Variants in AADAC observed in about 807,000 individuals in gnomAD.
AADAC encodes the protein arylacetamide deacetylase.
Under a neutral mutation model 22.7 loss-of-function variants are expected in AADAC, and 17 were observed. That is an observed-to-expected ratio of 0.75 (90% CI 0.51 to 1.12). The LOEUF (loss-of-function observed/expected upper bound fraction) is 1.12, where lower values mean the gene tolerates loss of function less well. Among genes scored for constraint, AADAC ranks in the 50% most tolerant of loss-of-function variants. The pLI is 0.00. For missense variants in AADAC, 465 were observed against 473.9 expected, an observed-to-expected ratio of 0.98 and a Z score of 0.17; for synonymous variants, 167 against 176.3, an observed-to-expected ratio of 0.95 and a Z score of 0.42.
intron 4 of AADAC, among the ~76,000 whole-genome samples, chr3:151,826,283 TC>T (rs1716489109): frequency 6.6e-6 from 1 of 151,958 alleles, no homozygotes; most frequent in Non-Finnish European, 1.5e-5. Context: ...AGACTGGACA[TC>T]AGGAAACTTG....
At chr3:151,820,663 A>T in intron 3 of AADAC, among the ~76,000 whole-genome samples, 1 of 135,730 alleles carries the variant, frequency 7.4e-6, no homozygotes, top group Non-Finnish European at 1.6e-5. Context: ...GATTACAGGC[A>T]CGAGTCACCA....
chr3:151,824,619 C>T, intron 3 of AADAC, 44 bp from the exon 4 acceptor site: 7 of 1,055,904 alleles, frequency 6.6e-6, no homozygotes, highest in Non-Finnish European at 8.8e-6. Flanking sequence ...ACAGTCTAAT[C>T]AAAACAAACA....
rs756474914 is a variant in AADAC at position 151,820,462 on chromosome 3, G to A, written c.431+10G>A. On this transcript the variant is annotated intron_variant, in intron 3 of 4. Coordinates refer to ENST00000232892, the MANE Select transcript of AADAC (RefSeq NM_001086.3). ...TCGTCGTATCAACCAAGTAAGAGCT[G>A]TGCTGTTTGGTTTCCTGGCCAGATG... is the stretch of plus-strand genomic sequence containing the variant. 6 of 1,530,372 alleles carry A rather than the reference G, an allele frequency of 3.9e-6. 1 individual carries two copies. Among genetic ancestry groups the A allele is most frequent in the Admixed American group, 1.9e-5 (1 of 52,232 alleles). 94.8% of individuals were successfully genotyped at this position (1,530,372 alleles called of 1,614,324 possible).
At chr3:151,824,882 T>C in intron 4 of AADAC, 48 bp downstream of exon 4, 1 of 1,378,718 alleles carries the variant, frequency 7.3e-7, no homozygotes, top group Middle Eastern at 1.9e-4. Context: ...TTCTACGCTG[T>C]TTTAAAAACA....
chr3:151,817,779 C>T (rs537013657), intron 2 of AADAC, among the ~76,000 whole-genome samples, 191 bp downstream of exon 2: 1 of 152,174 alleles, frequency 6.6e-6, no homozygotes, highest in Admixed American at 6.5e-5. Context: ...ATTTCCTCAT[C>T]AACCCAGGTA....
At chr3:151,824,248 A>T (rs116035163) in intron 3 of AADAC, among the ~76,000 whole-genome samples, 2 of 152,164 alleles carry the variant, frequency 1.3e-5, no homozygotes, top group African/African-American at 2.4e-5. Flanking sequence ...TTCAAACAAT[A>T]GAGTACTATA....
At position 151,820,357 on chromosome 3, in the gene AADAC, A is replaced by G; in HGVS notation, c.362-26A>G. 7 of 1,523,340 alleles carry G rather than the reference A, an allele frequency of 4.6e-6. No homozygotes were observed. In the South Asian group the frequency reaches 8.7e-5, roughly 19 times the overall value. 94.4% of individuals were successfully genotyped at this position (1,523,340 alleles called of 1,614,324 possible). A position where few individuals can be genotyped will look rare whatever the true frequency, so the allele number is the denominator to read the frequency against. On this transcript the variant is annotated intron_variant, in intron 2 of 4. Transcript: ENST00000232892. The stretch of plus-strand genomic sequence containing the variant: ...GTCTTCATTTGTCTGTTTTACTAAT[A>G]TGTTGCTTTTATCCTTTTATTTCAG...
intron 2 of AADAC, among the ~76,000 whole-genome samples, chr3:151,818,255 A>G (rs1716082660): frequency 2.7e-5 from 4 of 150,446 alleles, no homozygotes; most frequent in African/African-American, 9.8e-5. Context: ...AAAAAAAAAA[A>G]GAAAAAAATC....
chr3:151,820,971 G>A (rs1716230344), intron 3 of AADAC, among the ~76,000 whole-genome samples: 1 of 151,170 alleles, frequency 6.6e-6, no homozygotes, highest in Admixed American at 6.6e-5. Flanking sequence ...TGTTATTTTG[G>A]CAAAAAGAAA....
chr3:151,827,588 C>A lies in AADAC; in HGVS notation c.616C>A (p.Pro206Thr), dbSNP rs781080711. ...AAVTQQLLDD[P>T]DVKIKLKIQS... ...TCTTGCTTCTCAGCTCCTTGATGAC[C>A]CAGATGTCAAGATCAAACTCAAGAT... Residue 206 changes from proline to threonine, a missense_variant, in exon 5 of 5, where the codon CCA becomes ACA. Pro to Thr is a conservative substitution (Grantham distance 38, BLOSUM62 -1). Coordinates refer to ENST00000232892, the MANE Select transcript of AADAC (RefSeq NM_001086.3). 1.3e-6 allele frequency: 2 copies of A among 1,560,848 alleles called. No individual in the cohort carries two copies. The highest frequency in any genetic ancestry group is 1.9e-5 in the Admixed American group (1 of 52,452).
intron 2 of AADAC, among the ~76,000 whole-genome samples, chr3:151,818,733 G>A (rs565413495): frequency 6.6e-5 from 10 of 152,242 alleles, no homozygotes; most frequent in African/African-American, 2.4e-4. Context: ...CAAAGAGGCA[G>A]CTTTAGGCTA....
chr3:151,815,098 A>G (rs1282378811), intron 1 of AADAC, among the ~76,000 whole-genome samples: 1 of 152,010 alleles, frequency 6.6e-6, no homozygotes, highest in East Asian at 1.9e-4. Flanking sequence ...AGTGGTGGAG[A>G]AAAAAATAAA....
At chr3:151,815,377 C>T (rs2108024687) in intron 1 of AADAC, among the ~76,000 whole-genome samples, 1 of 152,118 alleles carries the variant, frequency 6.6e-6, no homozygotes, top group South Asian at 2.1e-4. Flanking sequence ...TCCAAGAAAT[C>T]ATATGAAACA....
Position 151,814,221 on chromosome 3 carries a change from A to C in AADAC, c.59A>C (p.Tyr20Ser). 1 of 1,613,202 alleles carries C rather than the reference A, an allele frequency of 6.2e-7. No homozygotes were observed. Among genetic ancestry groups the C allele is most frequent in the Non-Finnish European group, 8.5e-7 (1 of 1,179,328 alleles). The change falls in exon 1 of 5, where the codon TAT (tyrosine) becomes TCT (serine). Residue 20 changes from tyrosine (Y) to serine (S), a missense_variant. Tyr to Ser is a moderately radical substitution (Grantham distance 144). Transcript: ENST00000232892. ...IVGILIAYYIYTPLPDNVEEP... is the reference protein window; with the variant it reads ...IVGILIAYYISTPLPDNVEEP... The stretch of plus-strand genomic sequence containing the variant: ...GGGATCCTCATAGCATATTATATTT[A>C]TACGCCTCTCCCAGATAACGTTGAG...
intron 1 of AADAC, among the ~76,000 whole-genome samples, chr3:151,816,582 G>A (rs765868596): frequency 6.6e-6 from 1 of 151,998 alleles, no homozygotes; most frequent in Non-Finnish European, 1.5e-5. Flanking sequence ...ACACATTTTA[G>A]TGACATAGGA....
Position 151,827,709 on chromosome 3 carries a change from T to G in AADAC, c.737T>G (p.Met246Arg). ...SNFLFLSKSL[M>R]VRFWSEYFTT... ...TTTCTATTTCTATCCAAATCACTCA[T>G]GGTCAGATTCTGGAGTGAATATTTT... The change falls in exon 5 of 5, where the codon ATG becomes AGG. Residue 246 changes from methionine (M) to arginine (R), a missense_variant. Transcript: ENST00000232892. 1.9e-6 allele frequency: 3 copies of G among 1,613,134 alleles called. No individual in the cohort carries two copies. The highest frequency in any genetic ancestry group is 2.5e-6 in the Non-Finnish European group (3 of 1,179,320).
chr3:151,822,933 T>C (rs987039538), intron 3 of AADAC, among the ~76,000 whole-genome samples: 2 of 151,896 alleles, frequency 1.3e-5, no homozygotes, highest in East Asian at 1.9e-4. Flanking sequence ...ATTAAGGGCA[T>C]ACTTTTAATG....
intron 1 of AADAC, among the ~76,000 whole-genome samples, 194 bp from the exon 2 acceptor site, chr3:151,817,172 C>T (rs992572020): frequency 2.6e-5 from 4 of 152,016 alleles, no homozygotes; most frequent in African/African-American, 9.7e-5. Context: ...AGTGTATTCC[C>T]TCTTTTTTAA....
At position 151,824,827 on chromosome 3, in the gene AADAC, C is replaced by T. The variant is rs372944149; in HGVS notation, c.596C>T (p.Thr199Ile). Residue 199 changes from threonine to isoleucine, a missense_variant, in exon 4 of 5, where the codon ACT becomes ATT. Coordinates refer to ENST00000232892, the MANE Select transcript of AADAC (RefSeq NM_001086.3). ...SAGGNLAAAV[T>I]QQLLDDPDVK... ...GGAGGGAATTTAGCTGCAGCAGTGACTCAACAGGTATGTTCATAATTTCTA... is the reference window on the plus strand; with the variant it reads ...GGAGGGAATTTAGCTGCAGCAGTGATTCAACAGGTATGTTCATAATTTCTA... 2.5e-6 allele frequency: 4 copies of T among 1,575,532 alleles called. No homozygotes were observed. The African/African-American group carries it at 4.1e-5, about 16-fold the overall frequency.
Sources: allele counts gnomAD v4.1 joint callset (sites outside exome capture counted in the v4.1 genomes callset), GRCh38; gene constraint gnomAD v4.1.1; transcripts MANE v1.5; gene names NCBI Gene and HGNC (gene_info 2026-07-23, HGNC 2026-07-21).